Variants in NPC1 observed in about 807,000 individuals in gnomAD.
NPC1 encodes the protein NPC intracellular cholesterol transporter 1.
A neutral mutation model predicts 140.4 loss-of-function variants in NPC1; 85 were observed. The observed-to-expected ratio is 0.61, with a 90% CI of 0.51 to 0.72. NPC1 has a LOEUF of 0.72. NPC1 is among the 30% of genes least tolerant of loss of function. The pLI is 0.00. For synonymous variants in NPC1, 656 were observed against 624.8 expected (o/e 1.05, Z -0.74); for missense variants, 1,504 against 1,623.8 (o/e 0.93, Z 1.27).
intron 3 of NPC1, chr18:23,507,152 A>G (rs1160644883): frequency 1.2e-6 from 1 of 816,734 alleles, no homozygotes; most frequent in Non-Finnish European, 2.0e-6. Context: ...AACTTTTATT[A>G]TCTTACTGTT....
intron 10 of NPC1, 26 bp downstream of exon 10, chr18:23,551,601 G>A (rs764743616): frequency 1.4e-5 from 22 of 1,522,506 alleles, no homozygotes; most frequent in Non-Finnish European, 2.0e-5. Flanking sequence ...TATCTAAAAG[G>A]AAAAGTCAAA....
At chr18:23,543,381 T>G in intron 14 of NPC1, 74 bp downstream of exon 14, 1 of 821,782 alleles carries the variant, frequency 1.2e-6, no homozygotes, top group Non-Finnish European at 2.1e-6. Context: ...CAAAGGGACA[T>G]GTTCAGGTAG....
chr18:23,513,381 CTTT>C (rs1291346098), intron 3 of NPC1, among the ~76,000 whole-genome samples: 1 of 152,166 alleles, frequency 6.6e-6, no homozygotes, highest in Non-Finnish European at 1.5e-5. Context: ...ATAGGGTTTC[CTTT>C]TTAAGACTGA....
chr18:23,565,293 G>C (rs1169120222), intron 4 of NPC1, among the ~76,000 whole-genome samples: 2 of 152,144 alleles, frequency 1.3e-5, no homozygotes, highest in Non-Finnish European at 1.5e-5. Flanking sequence ...GATAAACATG[G>C]AATGTCTTTC....
intron 23 of NPC1, 124 bp from the exon 24 acceptor site, chr18:23,533,641 G>T: frequency 1.1e-6 from 1 of 923,562 alleles, no homozygotes; most frequent in Non-Finnish European, 1.8e-6. Flanking sequence ...TGAGTAGCTG[G>T]GATTAAACAG....
In NPC1 at chr18:23,544,461, G is replaced by A. The variant is rs1017732790; in HGVS notation, c.2013C>T (p.Ser671=). The A allele has an allele frequency of 5.6e-6, 9 of 1,607,140 alleles. No individual in the cohort carries two copies. The highest frequency in any genetic ancestry group is 7.6e-6 in the Non-Finnish European group (9 of 1,177,166). Residue 671 remains serine (S), a synonymous_variant, in exon 13 of 25, where the codon TCC becomes TCT. Transcript: ENST00000269228. ...ACCCAATGTAGCTGAAGACACCCAAGGAGCAAGCCACCGAGCTCAGCACGA... is the reference window on the plus strand; with the variant it reads ...ACCCAATGTAGCTGAAGACACCCAAAGAGCAAGCCACCGAGCTCAGCACGA... ...ILIVLSSVAC[S]LGVFSYIGLP... is the part of the protein sequence containing the mutation.
intron 3 of NPC1, among the ~76,000 whole-genome samples, chr18:23,511,248 A>T (rs8094509): frequency 0.75 from 113,919 of 152,094 alleles, 43,799 homozygotes; most frequent in East Asian, 0.92. Context: ...ATACCACATG[A>T]TCTCACTTCT....
intron 1 of NPC1, among the ~76,000 whole-genome samples, chr18:23,583,893 C>A (rs562126578): frequency 2.6e-4 from 39 of 152,140 alleles, no homozygotes; most frequent in Non-Finnish European, 5.4e-4. Flanking sequence ...GGAAAGATTT[C>A]CCACAGTCAT....
intron 4 of NPC1, among the ~76,000 whole-genome samples, 196 bp downstream of exon 4, chr18:23,568,627 A>C (rs757689674): frequency 3.9e-5 from 6 of 152,210 alleles, no homozygotes; most frequent in Non-Finnish European, 8.8e-5. Flanking sequence ...GGGGAGTTAA[A>C]GCAAGCGCTT....
rs11340795 is a variant in NPC1, at chr18:23,554,605, CAA to C, written c.1553+151_1553+152del. Among the ~76,000 whole-genome samples, 3,651 of 134,800 alleles carry C rather than the reference CAA, an allele frequency of 0.027. 276 individuals are homozygous for C. The East Asian group carries it at 0.31, about 11-fold the overall frequency. The allele number at this position is 134,800 out of a possible 152,430, so 88.4% of individuals were successfully genotyped here. Reference sequence around the variant, plus strand: ...TGGGCGACAGAGCGAGACCCTGTCTCAAAAAAAAAAAAAAAAGATGATGTAAA... The same window carrying C: ...TGGGCGACAGAGCGAGACCCTGTCTCAAAAAAAAAAAAAAGATGATGTAAA... On this transcript the variant is annotated intron_variant, in intron 9 of 24. Transcript: ENST00000269228.
At chr18:23,518,049 G>C (rs2058055776), downstream of NPC1, among the ~76,000 whole-genome samples, 1 of 152,226 alleles carries the variant, frequency 6.6e-6, no homozygotes, top group Non-Finnish European at 1.5e-5. Context: ...GATAAAGTGA[G>C]AGCAGTCCTG....
In NPC1 at chr18:23,580,865, G is replaced by C. The variant is rs916048668; in HGVS notation, c.57+5422C>G. 3.3e-5 allele frequency among the ~76,000 whole-genome samples: 5 copies of C among 152,236 alleles called. No individual in the cohort carries two copies. In the East Asian group the frequency reaches 9.6e-4, roughly 29 times the overall value. On this transcript the variant is annotated intron_variant, in intron 1 of 24. Transcript: ENST00000269228. ...CCAAACAAATATGGCAGGGCATTTAGGGTGGAGGCTGCCGGGCTGGTCTGA... is the reference window on the plus strand; with the variant it reads ...CCAAACAAATATGGCAGGGCATTTACGGTGGAGGCTGCCGGGCTGGTCTGA...
chr18:23,523,458 C>T (rs780263248), intron 1 of NPC1, among the ~76,000 whole-genome samples: 1 of 144,270 alleles, frequency 6.9e-6, no homozygotes, highest in African/African-American at 2.6e-5. Context: ...TGCCTGTAAT[C>T]GCAGCATGTT....
Position 23,544,378 on chromosome 18 carries a change from A to C in NPC1, c.2096T>G (p.Val699Gly). 1.2e-6 allele frequency: 2 copies of C among 1,614,066 alleles called. No homozygotes were observed. Among genetic ancestry groups the C allele is most frequent in the Non-Finnish European group, 1.7e-6 (2 of 1,180,024 alleles). The change falls in exon 13 of 25, where the codon GTG (valine) becomes GGG (glycine). Residue 699 changes from valine (V) to glycine (G), a missense_variant. Val to Gly is a moderately radical substitution (Grantham distance 109). Transcript: ENST00000269228. ...VIPFLVLAVG[V>G]DNIFILVQAY... is the part of the protein sequence containing the mutation. The stretch of plus-strand genomic sequence containing the variant: ...CTGCACCAGAATGAAGATGTTGTCC[A>C]CTCCAACAGCCAGCACCAGGAACGG...
intron 19 of NPC1, 76 bp from the exon 20 acceptor site, chr18:23,538,747 C>G: frequency 7.0e-7 from 1 of 1,433,634 alleles, no homozygotes; most frequent in East Asian, 2.3e-5. Context: ...AAAATACTGA[C>G]AGTGAGGGGC....
downstream of NPC1, chr18:23,526,775 A>C (rs772307557): frequency 3.7e-6 from 6 of 1,613,288 alleles, no homozygotes; most frequent in Non-Finnish European, 5.1e-6. Flanking sequence ...AGTAAGTTGA[A>C]TCCTTCCCCC....
intron 1 of NPC1, chr18:23,576,333 A>G (rs115574189): frequency 6.8e-4 from 173 of 253,056 alleles, no homozygotes; most frequent in African/African-American, 3.9e-3. Context: ...AGCTGGGAAG[A>G]TCAGCTTGAA....
chr18:23,523,149 C>T (rs899800030), intron 1 of NPC1, among the ~76,000 whole-genome samples: 3 of 152,236 alleles, frequency 2.0e-5, no homozygotes, highest in Admixed American at 6.5e-5. Context: ...CAAAGCTTGT[C>T]TGCCTGGGCT....
chr18:23,529,901 C>T (rs1045924194), downstream of NPC1: 12 of 1,086,522 alleles, frequency 1.1e-5, no homozygotes, highest in Admixed American at 4.1e-5. Flanking sequence ...ACCTGCATGA[C>T]GAAACCACTT....
Sources: allele counts gnomAD v4.1 joint callset (sites outside exome capture counted in the v4.1 genomes callset), GRCh38; gene constraint gnomAD v4.1.1; transcripts MANE v1.5; gene names NCBI Gene and HGNC (gene_info 2026-07-23, HGNC 2026-07-21).